DENND2B: variants seen among roughly 807,000 people sequenced by gnomAD.
DENND2B encodes DENN domain-containing protein 2B.
DENND2B carries 32 observed loss-of-function variants against 116.0 expected under a neutral mutation model. The observed-to-expected ratio is 0.28, with a 90% CI of 0.21 to 0.37. The LOEUF (loss-of-function observed/expected upper bound fraction) is 0.37, where lower values mean the gene tolerates loss of function less well. DENND2B is among the 10% of genes least tolerant of loss of function. The probability of loss-of-function intolerance (pLI) is 1.00; values close to 1 mark genes in which losing one functional copy is unlikely to be tolerated. For synonymous variants in DENND2B, 588 were observed against 583.9 expected, an observed-to-expected ratio of 1.01 and a Z score of -0.10; for missense variants, 1,276 against 1,477.7, an observed-to-expected ratio of 0.86 and a Z score of 2.24.
At chr11:8,708,689 C>T (rs1186490479) in intron 11 of DENND2B, among the ~76,000 whole-genome samples, 1 of 152,148 alleles carries the variant, frequency 6.6e-6, no homozygotes, top group Non-Finnish European at 1.5e-5. Flanking sequence ...CGGTGGCTCA[C>T]GCCTGTAATT....
intron 11 of DENND2B, among the ~76,000 whole-genome samples, chr11:8,708,721 G>A (rs900189151): frequency 6.6e-6 from 1 of 152,190 alleles, no homozygotes; most frequent in Non-Finnish European, 1.5e-5. Context: ...GGAGGCCAAG[G>A]GAGGTGGATC....
intron 1 of DENND2B, among the ~76,000 whole-genome samples, chr11:8,897,937 A>AG (rs907885859): frequency 1.6e-4 from 25 of 152,050 alleles, no homozygotes; most frequent in African/African-American, 5.6e-4. Flanking sequence ...TGCCCAGCTA[A>AG]TTTTTTAAAA....
chr11:8,811,122 C>G (rs2061354430), upstream of DENND2B: 1 of 394,120 alleles, frequency 2.5e-6, no homozygotes, highest in Non-Finnish European at 4.5e-6. Context: ...TCCTGGAGCT[C>G]GGGTAGGAGG....
intron 1 of DENND2B, among the ~76,000 whole-genome samples, chr11:8,797,430 C>T (rs902289311): frequency 6.8e-6 from 1 of 146,062 alleles, no homozygotes; most frequent in African/African-American, 2.5e-5. Context: ...ATTCTTATCC[C>T]CTTCCCCCTT....
chr11:8,720,354 T>C (rs1424068415), intron 4 of DENND2B, among the ~76,000 whole-genome samples: 1 of 152,018 alleles, frequency 6.6e-6, no homozygotes, highest in Non-Finnish European at 1.5e-5. Flanking sequence ...GAAAAAGACA[T>C]AGGATACTGA....
At chr11:8,723,306 C>G (rs1349204028) in intron 4 of DENND2B, among the ~76,000 whole-genome samples, 1 of 152,182 alleles carries the variant, frequency 6.6e-6, no homozygotes, top group East Asian at 1.9e-4. Context: ...GTTCTTGGAT[C>G]ATCTGAACTG....
chr11:8,759,174 G>A (rs942410815), intron 1 of DENND2B, among the ~76,000 whole-genome samples: 5 of 152,164 alleles, frequency 3.3e-5, no homozygotes, highest in African/African-American at 1.2e-4. Flanking sequence ...CTTTCTGAGG[G>A]GTGCCCCACC....
At chr11:8,748,158 C>T (rs1404349072) in intron 2 of DENND2B, among the ~76,000 whole-genome samples, 1 of 152,128 alleles carries the variant, frequency 6.6e-6, no homozygotes, top group Non-Finnish European at 1.5e-5. Context: ...TTTCCAAGGC[C>T]CCAACACCCT....
intron 3 of DENND2B, among the ~76,000 whole-genome samples, chr11:8,851,178 T>C (rs2062993872): frequency 6.6e-6 from 1 of 151,276 alleles, no homozygotes; most frequent in African/African-American, 2.4e-5. Flanking sequence ...GTGTAGATTT[T>C]AACTGTTCTC....
intron 4 of DENND2B, among the ~76,000 whole-genome samples, chr11:8,815,927 T>C (rs957431673): frequency 2.0e-5 from 3 of 152,230 alleles, no homozygotes; most frequent in Non-Finnish European, 4.4e-5. Context: ...TGGACCTACA[T>C]TGTACAAGAA....
At chr11:8,823,867 T>C (rs985271044) in intron 4 of DENND2B, among the ~76,000 whole-genome samples, 1 of 152,058 alleles carries the variant, frequency 6.6e-6, no homozygotes, top group African/African-American at 2.4e-5. Context: ...TTCCTTTTTT[T>C]GTGACTTGAG....
At chr11:8,814,993 A>C (rs2061519373), upstream of DENND2B, among the ~76,000 whole-genome samples, 1 of 152,132 alleles carries the variant, frequency 6.6e-6, no homozygotes, top group Admixed American at 6.5e-5. Context: ...TTTGTTTCCC[A>C]GAACTTTCCT....
intron 1 of DENND2B, among the ~76,000 whole-genome samples, chr11:8,755,015 G>A (rs892122748): frequency 2.0e-5 from 3 of 152,218 alleles, no homozygotes; most frequent in Admixed American, 6.5e-5. Flanking sequence ...TTTACAGCAT[G>A]TTAATTACAT....
At chr11:8,833,307 A>G (rs1210500903) in intron 4 of DENND2B, among the ~76,000 whole-genome samples, 2 of 152,236 alleles carry the variant, frequency 1.3e-5, no homozygotes, top group African/African-American at 2.4e-5. Context: ...GTTATTAAAG[A>G]TGCCTTCCTG....
At chr11:8,705,589 G>A (rs2042459061) in intron 13 of DENND2B, among the ~76,000 whole-genome samples, 1 of 152,094 alleles carries the variant, frequency 6.6e-6, no homozygotes, top group African/African-American at 2.4e-5. Context: ...TCTCTTGGGG[G>A]TCTCATGGGC....
chr11:8,726,165 T>C lies in DENND2B; in HGVS notation c.1385A>G (p.Tyr462Cys), dbSNP rs759692139. The C allele has an allele frequency of 6.2e-7, 1 of 1,613,954 alleles. No individual in the cohort carries two copies. Among genetic ancestry groups the C allele is most frequent in the Admixed American group, 1.7e-5 (1 of 59,980 alleles). The part of the protein sequence containing the change: ...FEDASSLQSL[Y>C]PSSPTENGTE... ...ACCATTCTCAGTGGGAGAAGAGGGGTACAGGGACTGGAGACTGGATGCATC... is the reference window on the plus strand; with the variant it reads ...ACCATTCTCAGTGGGAGAAGAGGGGCACAGGGACTGGAGACTGGATGCATC... The change falls in exon 4 of 20, where the codon TAC becomes TGC. Residue 462 changes from tyrosine (Y) to cysteine (C), a missense_variant. This residue lies in a region of DENND2B where 856 missense variants were observed against 846.6 expected (regional missense o/e 1.01). Coordinates refer to ENST00000313726, the MANE Select transcript of DENND2B (RefSeq NM_213618.2).
chr11:8,807,310 C>T (rs2060954731), intron 1 of DENND2B, among the ~76,000 whole-genome samples: 1 of 152,206 alleles, frequency 6.6e-6, no homozygotes, highest in Admixed American at 6.5e-5. Flanking sequence ...AAGGCCCAGG[C>T]CTCAGAGCCT....
chr11:8,888,334 T>G (rs1034940371), intron 1 of DENND2B, among the ~76,000 whole-genome samples: 1 of 152,198 alleles, frequency 6.6e-6, no homozygotes, highest in Non-Finnish European at 1.5e-5. Flanking sequence ...TGATTGCTGC[T>G]TCTGATCATA....
chr11:8,773,176 T>C (rs1048977074), intron 1 of DENND2B, among the ~76,000 whole-genome samples: 4 of 151,958 alleles, frequency 2.6e-5, no homozygotes, highest in Admixed American at 2.6e-4. Flanking sequence ...GCAGACCCCT[T>C]TCCCTTAAAT....
Sources: gnomAD v4.1 joint callset for allele counts (sites outside exome capture counted in the v4.1 genomes callset) on GRCh38, gnomAD v4.1.1 for gene constraint, gnomAD v4.1.1 regional missense constraint, MANE v1.5 for transcripts, NCBI Gene and HGNC (gene_info 2026-07-23, HGNC 2026-07-21) for gene names.